Variants in FAM131B observed in about 807,000 individuals in gnomAD.
FAM131B encodes the protein family with sequence similarity 131 member B.
In FAM131B, 19 loss-of-function variants were observed where a neutral mutation model predicts 42.0. The observed-to-expected ratio is 0.45, with a 90% CI of 0.32 to 0.66. The LOEUF (loss-of-function observed/expected upper bound fraction) is 0.66, where lower values mean the gene tolerates loss of function less well. FAM131B is among the 30% of genes least tolerant of loss of function. The pLI, the probability that FAM131B is intolerant of heterozygous loss-of-function variation, is 0.05. For synonymous variants in FAM131B, 183 were observed against 177.6 expected, an observed-to-expected ratio of 1.03 and a Z score of -0.24; for missense variants, 370 against 468.4, an observed-to-expected ratio of 0.79 and a Z score of 1.94.
rs1003885649 is a variant in FAM131B at position 143,355,187 on chromosome 7, C to A, written c.*1363G>T. 6.5e-6 allele frequency: 1 copy of A among 152,748 alleles called. No homozygotes were observed. The highest frequency in any genetic ancestry group is 2.4e-5 in the African/African-American group (1 of 41,480). The allele number at this position is 152,748 out of a possible 1,614,324, so 9.5% of individuals were successfully genotyped here. A position where few individuals can be genotyped will look rare whatever the true frequency, so the allele number is the denominator to read the frequency against. ...CAGGGCCAAGTGCTCTCCAACCCCA[C>A]AGCACCGCTGCTTTGCTCCGCCCAT... On this transcript the variant is annotated 3_prime_UTR_variant, in exon 7 of 7. Transcript: ENST00000443739. The surrounding 1 kb of genome is among the most constrained non-coding windows in gnomAD (Gnocchi z 4.1).
At chr7:143,377,687 C>T in the FAM131B span, among the ~76,000 whole-genome samples, 3 of 151,960 alleles carry the variant, frequency 2.0e-5, no homozygotes, top group African/African-American at 7.2e-5. Context: ...TTAGAAGGGG[C>T]GAATATATAT....
chr7:143,381,096 C>G, the FAM131B span: 1 of 603,306 alleles, frequency 1.7e-6, no homozygotes, highest in Non-Finnish European at 2.1e-6. Context: ...CGGGCTGGGG[C>G]GGCGGGGGCG....
At chr7:143,380,295 G>A in the FAM131B span, 1 of 985,308 alleles carries the variant, frequency 1.0e-6, no homozygotes, top group Non-Finnish European at 1.2e-6. The surrounding 1 kb of genome is among the most constrained non-coding windows in gnomAD (Gnocchi z 5.0). Flanking sequence ...TGTAGCCTGG[G>A]GCTGAGTCGC....
chr7:143,359,356 T>G lies in FAM131B; in HGVS notation c.238A>C (p.Ile80Leu). The change falls in exon 4 of 7, where the codon ATT (isoleucine) becomes CTT (leucine). Residue 80 changes from isoleucine (I) to leucine (L), a missense_variant. Physicochemically the swap from Ile to Leu is conservative, Grantham distance 5. Coordinates refer to ENST00000443739, the MANE Select transcript of FAM131B (RefSeq NM_001031690.3). The surrounding 1 kb of genome is among the most constrained non-coding windows in gnomAD (Gnocchi z 5.4). The stretch of plus-strand genomic sequence containing the variant: ...AATGATGACTTGGCCAGGGCCCCAA[T>G]GCCATAGGCGTTAGAGTTTCGCTTA... ...KLKRNSNAYGIGALAKSSFSG... is the reference protein window; with the variant it reads ...KLKRNSNAYGLGALAKSSFSG... 6.2e-7 allele frequency: 1 copy of G among 1,613,800 alleles called. No homozygotes were observed. Among genetic ancestry groups the G allele is most frequent in the Non-Finnish European group, 8.5e-7 (1 of 1,179,918 alleles).
rs1385692417 is a variant in FAM131B at position 143,359,568 on chromosome 7, G to A, written c.175-149C>T. The A allele has an allele frequency of 2.2e-6, 2 of 917,440 alleles. No individual in the cohort carries two copies. The highest frequency in any genetic ancestry group is 2.8e-5 in the South Asian group (2 of 71,208). 56.8% of individuals were successfully genotyped at this position (917,440 alleles called of 1,614,324 possible). A position where few individuals can be genotyped will look rare whatever the true frequency, so the allele number is the denominator to read the frequency against. On this transcript the variant is annotated intron_variant, in intron 3 of 6. Transcript: ENST00000443739. This position sits in a 1 kb window ranked among gnomAD's most constrained non-coding sequence, Gnocchi z 5.4. ...ACTATACCCAAGAGTCCCAAGGAGG[G>A]ATATATCCCCAGTGCTCTGGAAAAC...
the FAM131B span, among the ~76,000 whole-genome samples, chr7:143,370,884 T>C: frequency 1.3e-5 from 2 of 152,140 alleles, no homozygotes; most frequent in African/African-American, 2.4e-5. Flanking sequence ...GGGGTCTGGA[T>C]TGGGACTTCT....
At chr7:143,381,473 G>A in the FAM131B span, 10 of 1,378,478 alleles carry the variant, frequency 7.3e-6, no homozygotes, top group Admixed American at 6.6e-5. Context: ...GGGAGGGGGC[G>A]AGTGGGGGTC....
chr7:143,363,488 C>A (rs1022898769), upstream of FAM131B, among the ~76,000 whole-genome samples: 2 of 152,218 alleles, frequency 1.3e-5, no homozygotes, highest in Middle Eastern at 3.4e-3. Flanking sequence ...TCTTCTCGGA[C>A]AAATGAAAGC....
upstream of FAM131B, among the ~76,000 whole-genome samples, chr7:143,365,660 G>A (rs994568580): frequency 4.6e-5 from 7 of 152,124 alleles, no homozygotes; most frequent in African/African-American, 1.7e-4. Context: ...GAGAGCAATG[G>A]CATGATCAAA....
chr7:143,363,733 G>A (rs558516443), upstream of FAM131B, among the ~76,000 whole-genome samples: 3 of 152,320 alleles, frequency 2.0e-5, no homozygotes, highest in Non-Finnish European at 4.4e-5. Flanking sequence ...GAGAGAGTGG[G>A]CAGGTGGGCA....
chr7:143,380,990 G>A, the FAM131B span: 1 of 268,918 alleles, frequency 3.7e-6, no homozygotes, highest in African/African-American at 2.3e-5. The surrounding 1 kb of genome is among the most constrained non-coding windows in gnomAD (Gnocchi z 5.0). Context: ...GGGGGACGGT[G>A]AGTCAGATCT....
upstream of FAM131B, among the ~76,000 whole-genome samples, chr7:143,367,495 A>G (rs1158914126): frequency 1.3e-5 from 2 of 152,240 alleles, no homozygotes; most frequent in Non-Finnish European, 2.9e-5. Context: ...TCATGAGGTC[A>G]GGAGTTTGAG....
rs778855745 is a variant in FAM131B at position 143,359,546 on chromosome 7, A to G, written c.175-127T>C. 2.1e-5 allele frequency: 20 copies of G among 954,470 alleles called. No individual in the cohort carries two copies. In the African/African-American group the frequency reaches 3.1e-4, roughly 15 times the overall value. The allele number at this position is 954,470 out of a possible 1,614,324, so 59.1% of individuals were successfully genotyped here. A position where few individuals can be genotyped will look rare whatever the true frequency, so the allele number is the denominator to read the frequency against. ...AGGGCAGATGATAAGAAAAGCTACTATACCCAAGAGTCCCAAGGAGGGATA... is the reference window on the plus strand; with the variant it reads ...AGGGCAGATGATAAGAAAAGCTACTGTACCCAAGAGTCCCAAGGAGGGATA... On this transcript the variant is annotated intron_variant, in intron 3 of 6. Transcript: ENST00000443739. The surrounding 1 kb of genome is among the most constrained non-coding windows in gnomAD (Gnocchi z 5.4).
At chr7:143,372,423 G>A in the FAM131B span, among the ~76,000 whole-genome samples, 4 of 152,294 alleles carry the variant, frequency 2.6e-5, no homozygotes, top group African/African-American at 9.6e-5. Flanking sequence ...GATTGTCGAA[G>A]CACAAAAAGA....
At chr7:143,371,613 C>CAAAAAAAAAAA in the FAM131B span, among the ~76,000 whole-genome samples, 19 of 74,970 alleles carry the variant, frequency 2.5e-4, no homozygotes, top group South Asian at 4.8e-4. Context: ...GACCCTGTCT[C>CAAAAAAAAAAA]AAAAAAAAAA....
chr7:143,382,107 C>T, the FAM131B span: 2 of 639,800 alleles, frequency 3.1e-6, no homozygotes, highest in South Asian at 2.5e-5. Flanking sequence ...CCCAGGGCGC[C>T]CTGCGCCCCT....
chr7:143,364,562 G>C (rs1804136018), upstream of FAM131B, among the ~76,000 whole-genome samples: 1 of 152,082 alleles, frequency 6.6e-6, no homozygotes, highest in East Asian at 1.9e-4. Flanking sequence ...ACTATATAAG[G>C]CTGCATTTAT....
the FAM131B span, among the ~76,000 whole-genome samples, chr7:143,368,166 C>T: frequency 3.8e-3 from 580 of 152,316 alleles, 4 homozygotes; most frequent in African/African-American, 8.3e-3. Flanking sequence ...CAAGCAGCAG[C>T]GACCAGGCAG....
At position 143,356,927 on chromosome 7, in the gene FAM131B, C is replaced by T. The variant is rs147792476; in HGVS notation, c.706G>A (p.Asp236Asn). The T allele has an allele frequency of 2.5e-4, 400 of 1,614,072 alleles. 5 individuals carry two copies. In the East Asian group the frequency reaches 8.2e-3, roughly 33 times the overall value. ...LGSSDAWEASDQSLIASPATG... is the reference protein window; with the variant it reads ...LGSSDAWEASNQSLIASPATG... ...GCCGGAGAGGCAATGAGGGACTGATCGCTGGCTTCCCAGGCATCTGACGAC... is the reference window on the plus strand; with the variant it reads ...GCCGGAGAGGCAATGAGGGACTGATTGCTGGCTTCCCAGGCATCTGACGAC... Residue 236 changes from aspartate (D) to asparagine (N), a missense_variant, in exon 7 of 7, where the codon GAT (aspartate) becomes AAT (asparagine). Transcript: ENST00000443739. This position sits in a 1 kb window ranked among gnomAD's most constrained non-coding sequence, Gnocchi z 4.4.
Sources: allele counts gnomAD v4.1 joint callset (sites outside exome capture counted in the v4.1 genomes callset), GRCh38; gene constraint gnomAD v4.1.1; non-coding constraint Gnocchi (gnomAD v3.1); transcripts MANE v1.5; gene names NCBI Gene and HGNC (gene_info 2026-07-23, HGNC 2026-07-21).